ABCB10: variants seen among roughly 807,000 people sequenced by gnomAD.
ABCB10 encodes the protein ATP binding cassette subfamily B member 10, also known as ATP-binding cassette sub-family B member 10, mitochondrial.
A neutral mutation model predicts 65.4 loss-of-function variants in ABCB10; 54 were observed. The observed-to-expected ratio is 0.83, with a 90% confidence interval of 0.66 to 1.04. The LOEUF (loss-of-function observed/expected upper bound fraction) is 1.04. Among genes scored for constraint, ABCB10 ranks in the 50% least tolerant of loss-of-function variants. The pLI, the probability that ABCB10 is intolerant of heterozygous loss-of-function variation, is 0.00. For synonymous variants in ABCB10, 418 were observed against 406.5 expected (o/e 1.03, Z -0.34); for missense variants, 846 against 976.6 (o/e 0.87, Z 1.78).
At chr1:229,524,405 A>C (rs1662383990) in intron 10 of ABCB10, among the ~76,000 whole-genome samples, 5 of 152,186 alleles carry the variant, frequency 3.3e-5, no homozygotes, top group African/African-American at 9.6e-5. Flanking sequence ...TCAAGCAATC[A>C]GCCTGTCTTG....
At chr1:229,553,634 G>T (rs980073455) in intron 1 of ABCB10, among the ~76,000 whole-genome samples, 1 of 151,618 alleles carries the variant, frequency 6.6e-6, no homozygotes, top group African/African-American at 2.4e-5. Flanking sequence ...TAAGATGAGG[G>T]TTAAAGGGAG....
In ABCB10 at chr1:229,558,682, C is replaced by T; in HGVS notation, c.-30G>A. 7.9e-7 allele frequency: 1 copy of T among 1,266,718 alleles called. No homozygotes were observed. The highest frequency in any genetic ancestry group is 9.9e-7 in the Non-Finnish European group (1 of 1,007,652). The allele number at this position is 1,266,718 out of a possible 1,614,324, so 78.5% of individuals were successfully genotyped here. On this transcript the variant is annotated 5_prime_UTR_variant, in exon 1 of 13. Coordinates refer to ENST00000344517, the MANE Select transcript of ABCB10 (RefSeq NM_012089.3). ...CTGCGTGCGACCCGTACGCCTCAGC[C>T]CGCCGGCCAGGCGCGCGCAAAGCCC...
chr1:229,533,128 T>C (rs923063489), intron 6 of ABCB10, among the ~76,000 whole-genome samples: 3 of 151,856 alleles, frequency 2.0e-5, no homozygotes, highest in Admixed American at 2.0e-4. Context: ...CTTTTTAAAG[T>C]CAGCTTTGAA....
rs982964179 is a variant in ABCB10, at chr1:229,558,334, C to T, written c.319G>A (p.Gly107Arg). The T allele has an allele frequency of 1.6e-6, 2 of 1,255,794 alleles. No homozygotes were observed. Among genetic ancestry groups the T allele is most frequent in the Non-Finnish European group, 2.0e-6 (2 of 990,372 alleles). The allele number at this position is 1,255,794 out of a possible 1,614,324, so 77.8% of individuals were successfully genotyped here. Reference sequence around the variant, plus strand: ...CGCGGGAGCCGAGGAGCGCCTGGCCCGGCAAAAGCCCCGCACCTGCAGCTG... The same window carrying T: ...CGCGGGAGCCGAGGAGCGCCTGGCCTGGCAAAAGCCCCGCACCTGCAGCTG... ...PGSCRCGAFA[G>R]PGAPRLPRAR... Residue 107 changes from glycine (G) to arginine (R), a missense_variant, in exon 1 of 13, where the codon GGG (glycine) becomes AGG (arginine). By Grantham distance (125) the Gly-to-Arg change is moderately radical. Around this residue, in one of 2 missense-constraint regions of ABCB10, gnomAD observed 214 missense variants for 173.5 expected, o/e 1.23. Coordinates refer to ENST00000344517, the MANE Select transcript of ABCB10 (RefSeq NM_012089.3).
intron 6 of ABCB10, among the ~76,000 whole-genome samples, chr1:229,538,551 G>A (rs1436890584): frequency 2.0e-5 from 3 of 152,192 alleles, no homozygotes; most frequent in Middle Eastern, 3.4e-3. Flanking sequence ...CCACCTTCTC[G>A]TTTCCCAAAC....
In ABCB10 at chr1:229,539,605, A is replaced by G. The variant is rs1268491659; in HGVS notation, c.1204-14T>C. 1 of 1,610,784 alleles carries G rather than the reference A, an allele frequency of 6.2e-7. No homozygotes were observed. The highest frequency in any genetic ancestry group is 8.5e-7 in the Non-Finnish European group (1 of 1,178,772). ...GGAGAGCCCAGTCTGTCGAATGAAG[A>G]AAACACAGAAGTCAGGTGGGAATCA... On this transcript the variant is annotated splice_polypyrimidine_tract_variant and intron_variant, in intron 5 of 12. Coordinates refer to ENST00000344517, the MANE Select transcript of ABCB10 (RefSeq NM_012089.3).
At chr1:229,527,809 C>T (rs1477339906) in intron 8 of ABCB10, among the ~76,000 whole-genome samples, 2 of 152,176 alleles carry the variant, frequency 1.3e-5, no homozygotes, top group East Asian at 3.8e-4. Context: ...AGGCCTGGTT[C>T]TGGGGTGGAG....
intron 9 of ABCB10, 88 bp downstream of exon 9, chr1:229,527,141 G>T: frequency 8.1e-7 from 1 of 1,240,614 alleles, no homozygotes; most frequent in Non-Finnish European, 1.1e-6. Context: ...CTTCTCTCTT[G>T]AGAAGTTCGA....
chr1:229,528,209 A>G (rs1282721751), intron 8 of ABCB10, among the ~76,000 whole-genome samples: 2 of 152,204 alleles, frequency 1.3e-5, no homozygotes. Context: ...TAGACTACAC[A>G]TGGCAGACAT....
intron 6 of ABCB10, among the ~76,000 whole-genome samples, chr1:229,538,127 C>T (rs556020937): frequency 4.3e-4 from 65 of 152,322 alleles, no homozygotes; most frequent in African/African-American, 1.6e-3. Flanking sequence ...CCTCCCATAA[C>T]CAGTGGTGGT....
chr1:229,548,307 A>G (rs1663018351), intron 2 of ABCB10, among the ~76,000 whole-genome samples: 1 of 151,946 alleles, frequency 6.6e-6, no homozygotes. Context: ...CTTGGCCGAG[A>G]TTTTTTTAAG....
At chr1:229,543,889 C>T (rs1662908599) in intron 3 of ABCB10, among the ~76,000 whole-genome samples, 1 of 152,122 alleles carries the variant, frequency 6.6e-6, no homozygotes, top group Non-Finnish European at 1.5e-5. Context: ...TGATGGTCAC[C>T]ATCAGGACAT....
At position 229,547,500 on chromosome 1, in the gene ABCB10, A is replaced by G. The variant is rs370233527; in HGVS notation, c.920T>C (p.Met307Thr). 55 of 1,612,278 alleles carry G rather than the reference A, an allele frequency of 3.4e-5. No homozygotes were observed. The highest frequency in any genetic ancestry group is 1.1e-4 in the East Asian group (5 of 44,894). The change falls in exon 3 of 13, where the codon ATG becomes ACG. Residue 307 changes from methionine to threonine, a missense_variant and splice_region_variant. Physicochemically the swap from Met to Thr is moderately conservative, Grantham distance 81. Transcript: ENST00000344517. ...GAQASVGISM[M>T]FFVSPNLATF... ...CCAAGGGGAACCAGGCCCACATACC[A>G]TCATACTGATGCCTACGGAAGCCTG...
intron 6 of ABCB10, 105 bp from the exon 7 acceptor site, chr1:229,531,836 G>T: frequency 7.5e-6 from 6 of 798,054 alleles, no homozygotes; most frequent in Non-Finnish European, 7.4e-6. Flanking sequence ...TATAAAATCT[G>T]TTATTAATAT....
chr1:229,528,081 C>G (rs764393162), intron 8 of ABCB10, among the ~76,000 whole-genome samples: 1 of 152,110 alleles, frequency 6.6e-6, no homozygotes, highest in Non-Finnish European at 1.5e-5. Context: ...ACAACAGTGA[C>G]AGCATAAGAA....
intron 1 of ABCB10, among the ~76,000 whole-genome samples, chr1:229,554,745 C>T (rs951682232): frequency 4.6e-5 from 7 of 152,168 alleles, no homozygotes; most frequent in African/African-American, 9.7e-5. Context: ...CCCTGGCTTT[C>T]GGGGGCAGTT....
intron 1 of ABCB10, among the ~76,000 whole-genome samples, chr1:229,552,641 C>T (rs1466973536): frequency 6.6e-6 from 1 of 152,198 alleles, no homozygotes; most frequent in Non-Finnish European, 1.5e-5. Flanking sequence ...CTGCCCACTG[C>T]TGAACAGGGC....
At chr1:229,545,401 C>T (rs1366665881) in intron 3 of ABCB10, among the ~76,000 whole-genome samples, 1 of 152,196 alleles carries the variant, frequency 6.6e-6, no homozygotes. Flanking sequence ...AGCTTTTCCA[C>T]TTGTGAGAAA....
At chr1:229,522,621 G>A (rs925107947) in intron 10 of ABCB10, among the ~76,000 whole-genome samples, 7 of 152,034 alleles carry the variant, frequency 4.6e-5, no homozygotes, top group Non-Finnish European at 8.8e-5. Flanking sequence ...GTAAGTAGTG[G>A]AACTGAGATC....
Sources: gnomAD v4.1 joint callset for allele counts (sites outside exome capture counted in the v4.1 genomes callset) on GRCh38, gnomAD v4.1.1 for gene constraint, gnomAD v4.1.1 regional missense constraint, MANE v1.5 for transcripts, NCBI Gene and HGNC (gene_info 2026-07-23, HGNC 2026-07-21) for gene names.